Variants in TANC2 observed in about 807,000 individuals in gnomAD.
TANC2 encodes the protein tetratricopeptide repeat, ankyrin repeat and coiled-coil containing 2.
TANC2 carries 26 observed loss-of-function variants against 210.5 expected under a neutral mutation model. That is an observed-to-expected ratio of 0.12 (90% CI 0.09 to 0.17). TANC2 has a LOEUF of 0.17. Among genes scored for constraint, TANC2 ranks in the 10% least tolerant of loss-of-function variants. The pLI is 1.00. For synonymous variants in TANC2, 931 were observed against 967.1 expected (o/e 0.96, Z 0.69); for missense variants, 2,129 against 2,608.9 (o/e 0.82, Z 4.01).
At chr17:63,120,950 C>G (rs937366088) in intron 4 of TANC2, 1 of 149,954 alleles carries the variant, frequency 6.7e-6, no homozygotes, top group Non-Finnish European at 1.5e-5. Flanking sequence ...ATAACAATTT[C>G]AAATGTAAAC....
At chr17:63,018,259 T>C (rs1224272029) in intron 2 of TANC2, among the ~76,000 whole-genome samples, 2 of 152,064 alleles carry the variant, frequency 1.3e-5, no homozygotes, top group African/African-American at 4.8e-5. Context: ...GGGAGGCTGA[T>C]GTCGGCGGGT....
intron 15 of TANC2, among the ~76,000 whole-genome samples, chr17:63,386,954 G>A (rs1249733762): frequency 6.6e-6 from 1 of 152,054 alleles, no homozygotes; most frequent in Non-Finnish European, 1.5e-5. Flanking sequence ...CCGGGCTCAA[G>A]CGATCCTCCC....
chr17:63,355,041 T>G, exon 14 of TANC2: 1 of 1,613,954 alleles, frequency 6.2e-7, no homozygotes, highest in Non-Finnish European at 8.5e-7. Context: ...CTATCTAGTG[T>G]TAAAGAGCTC....
chr17:63,086,473 CTAA>C (rs1369665127), intron 3 of TANC2, among the ~76,000 whole-genome samples: 9 of 152,178 alleles, frequency 5.9e-5, no homozygotes, highest in African/African-American at 2.2e-4. Context: ...GTCCAGTCTG[CTAA>C]TGAGGCCATT....
rs73994433 is a variant in TANC2 at position 63,317,180 on chromosome 17, T to C, written c.1442-1777T>C. ...CATTCTTTCTTCTGCCCCTGTCTTC[T>C]TTCTGTTTGGTGTTCAGAGAATAGT... is the stretch of plus-strand genomic sequence containing the variant. On this transcript the variant is annotated intron_variant, in intron 10 of 27. Coordinates refer to ENST00000689528, the Ensembl canonical transcript of TANC2. Among the ~76,000 whole-genome samples, 1,234 of 152,242 alleles carry C rather than the reference T, an allele frequency of 8.1e-3. 18 individuals are homozygous for C. The highest frequency in any genetic ancestry group is 0.028 in the African/African-American group (1,174 of 41,526).
intron 4 of TANC2, among the ~76,000 whole-genome samples, chr17:63,129,246 C>G (rs1480191499): frequency 6.6e-6 from 1 of 152,082 alleles, no homozygotes; most frequent in Admixed American, 6.6e-5. Flanking sequence ...CCAAGCAGAC[C>G]TCCTGCCTCG....
intron 2 of TANC2, among the ~76,000 whole-genome samples, chr17:63,042,937 G>C (rs1346088485): frequency 6.6e-6 from 1 of 151,966 alleles, no homozygotes; most frequent in Non-Finnish European, 1.5e-5. Flanking sequence ...AGATAAAAAT[G>C]AAAATATAGT....
At position 63,420,229 on chromosome 17, in the gene TANC2, T is replaced by A. The variant is rs1318596647; in HGVS notation, c.4499T>A (p.Leu1500Gln). 2.5e-6 allele frequency: 4 copies of A among 1,612,516 alleles called. No homozygotes were observed. In the East Asian group the frequency reaches 8.9e-5, roughly 36 times the overall value. Reference sequence around the variant, plus strand: ...CAGGATATATTCGAGGAGGAGTACCTGGAACAGGATGTTGAAAATGTTTCC... The same window carrying A: ...CAGGATATATTCGAGGAGGAGTACCAGGAACAGGATGTTGAAAATGTTTCC... Residue 1500 changes from leucine to glutamine, a missense_variant, in exon 28 of 28, where the codon CTG (leucine) becomes CAG (glutamine). Leu to Gln is a moderately radical substitution (Grantham distance 113). Transcript: ENST00000689528. This position sits in a 1 kb window ranked among gnomAD's most constrained non-coding sequence, Gnocchi z 4.2.
intron 9 of TANC2, among the ~76,000 whole-genome samples, chr17:63,279,375 C>T (rs1232762697): frequency 3.3e-5 from 5 of 152,090 alleles, no homozygotes; most frequent in African/African-American, 7.2e-5. Flanking sequence ...TCCCCTTTTA[C>T]AGAGTAAGAA....
chr17:63,125,928 G>A (rs866838480), intron 4 of TANC2, among the ~76,000 whole-genome samples: 1 of 152,192 alleles, frequency 6.6e-6, no homozygotes, highest in Admixed American at 6.5e-5. Context: ...TCTGGAGCCA[G>A]ACTGCCTGGA....
chr17:63,326,071 AAG>A lies in TANC2; in HGVS notation c.1575+6983_1575+6984del, dbSNP rs2045635101. 2.0e-5 allele frequency among the ~76,000 whole-genome samples: 3 copies of A among 152,154 alleles called. No individual in the cohort carries two copies. In the Admixed American group the frequency reaches 2.0e-4, roughly 10 times the overall value. On this transcript the variant is annotated intron_variant, in intron 11 of 27. Coordinates refer to ENST00000689528, the Ensembl canonical transcript of TANC2. ...GCTGTTTAGATCTAGAATTATAACA[AAG>A]ATAAACATTATCCTGATCTCAGCTA...
At chr17:63,193,679 AG>A (rs1425015943) in intron 5 of TANC2, among the ~76,000 whole-genome samples, 5 of 152,200 alleles carry the variant, frequency 3.3e-5, no homozygotes, top group African/African-American at 1.2e-4. Flanking sequence ...TTTAGAACAA[AG>A]CCTGAATAAA....
intron 9 of TANC2, among the ~76,000 whole-genome samples, chr17:63,298,674 A>G (rs1291125895): frequency 6.6e-6 from 1 of 152,202 alleles, no homozygotes; most frequent in Non-Finnish European, 1.5e-5. Context: ...GGTTAATTTT[A>G]TATTAATTTC....
At position 63,341,285 on chromosome 17, in the gene TANC2, A is replaced by G. The variant is rs542620001; in HGVS notation, c.1807+953A>G. 1.1e-4 allele frequency among the ~76,000 whole-genome samples: 16 copies of G among 152,196 alleles called. No homozygotes were observed. The South Asian group carries it at 2.9e-3, about 28-fold the overall frequency. ...GATGACCTCTGTCACTACCTTTGCTACCTGTTACCTTTTTAAACATTGCCG... is the reference window on the plus strand; with the variant it reads ...GATGACCTCTGTCACTACCTTTGCTGCCTGTTACCTTTTTAAACATTGCCG... On this transcript the variant is annotated intron_variant, in intron 12 of 27. Transcript: ENST00000689528.
chr17:63,045,831 G>A lies in TANC2; in HGVS notation c.68-28112G>A, dbSNP rs114451922. Among the ~76,000 whole-genome samples, 556 of 152,076 alleles carry A rather than the reference G, an allele frequency of 3.7e-3. 7 individuals carry two copies. The highest frequency in any genetic ancestry group is 0.013 in the African/African-American group (546 of 41,484). Reference sequence around the variant, plus strand: ...AATTATTTTTAAAAAGTAGAGATGGGTGTCTCACTATATTGCCTAGGCTGG... The same window carrying A: ...AATTATTTTTAAAAAGTAGAGATGGATGTCTCACTATATTGCCTAGGCTGG... On this transcript the variant is annotated intron_variant, in intron 2 of 27. Coordinates refer to ENST00000689528, the Ensembl canonical transcript of TANC2.
In TANC2 at chr17:63,355,197, A is replaced by G. The variant is rs1223831328; in HGVS notation, c.2389A>G (p.Ile797Val). The change falls in exon 14 of 28, where the codon ATC (isoleucine) becomes GTC (valine). Residue 797 changes from isoleucine to valine, a missense_variant. Ile to Val is a conservative substitution (Grantham distance 29). This residue lies in a region of TANC2 where 644 missense variants were observed against 937.5 expected (regional missense o/e 0.69). Transcript: ENST00000689528. ...TCTCCACCCACTGACTGATGAGCAT[A>G]TCTTCCAGGCCATCAATGCTGGGAG... 1.2e-6 allele frequency: 2 copies of G among 1,613,724 alleles called. No individual in the cohort carries two copies. The highest frequency in any genetic ancestry group is 1.7e-6 in the Non-Finnish European group (2 of 1,179,820).
chr17:63,410,336 A>G (rs988637886), intron 21 of TANC2, among the ~76,000 whole-genome samples: 19 of 118,802 alleles, frequency 1.6e-4, no homozygotes, highest in African/African-American at 6.6e-4. Flanking sequence ...CATCTCTCCA[A>G]TCCCCCCCCC....
At chr17:63,004,711 A>C (rs1354176169) in intron 1 of TANC2, 6 of 324,270 alleles carry the variant, frequency 1.9e-5, no homozygotes, top group Admixed American at 9.6e-5. Context: ...CACACACTTC[A>C]CTTGGTATCT....
intron 2 of TANC2, among the ~76,000 whole-genome samples, chr17:63,017,665 G>A (rs2034165988): frequency 6.6e-6 from 1 of 152,026 alleles, no homozygotes; most frequent in Non-Finnish European, 1.5e-5. Flanking sequence ...GTGGATTCAA[G>A]GTTTTCTGTT....
Sources: gnomAD v4.1 joint callset for allele counts (sites outside exome capture counted in the v4.1 genomes callset) on GRCh38, gnomAD v4.1.1 for gene constraint, gnomAD v4.1.1 regional missense constraint, Gnocchi (gnomAD v3.1) non-coding constraint, MANE v1.5 for transcripts, NCBI Gene and HGNC (gene_info 2026-07-23, HGNC 2026-07-21) for gene names.